LRRTM4: variants seen among roughly 807,000 people sequenced by gnomAD.
LRRTM4 encodes leucine-rich repeat transmembrane neuronal protein 4.
Under a neutral mutation model 47.6 loss-of-function variants are expected in LRRTM4, and 25 were observed. The ratio of observed to expected loss-of-function variants is 0.53; its 90% CI spans 0.38 to 0.73. The LOEUF (loss-of-function observed/expected upper bound fraction) is 0.73, where lower values mean the gene tolerates loss of function less well. Ranked by LOEUF, LRRTM4 falls within the 30% of genes least tolerant of loss-of-function variation. The pLI is 0.00. For missense variants in LRRTM4, 638 were observed against 713.4 expected (o/e 0.89, Z 1.20); for synonymous variants, 311 against 269.5 (o/e 1.15, Z -1.51).
intron 3 of LRRTM4, among the ~76,000 whole-genome samples, chr2:76,809,586 G>C (rs1670666865): frequency 1.3e-5 from 2 of 152,126 alleles, no homozygotes; most frequent in Admixed American, 1.3e-4. Flanking sequence ...GTCTATGAGA[G>C]CAATTTCTCT....
rs201502538 is a variant in LRRTM4 at position 77,142,420 on chromosome 2, CACACACACAT to C, written c.1551+375888_1551+375897del. 8.7e-3 allele frequency among the ~76,000 whole-genome samples: 1,095 copies of C among 126,362 alleles called. 37 individuals carry two copies. Among genetic ancestry groups the C allele is most frequent in the East Asian group, 0.074 (296 of 3,980 alleles). The allele number at this position is 126,362 out of a possible 152,430, so 82.9% of individuals were successfully genotyped here. On this transcript the variant is annotated intron_variant, in intron 3 of 3. Coordinates refer to ENST00000409884, the MANE Select transcript of LRRTM4 (RefSeq NM_001134745.3). ...TCACCTTTTTGCTGCTGCTTGTTACCACACACACATACACACACACACACACACACACACA... is the reference window on the plus strand; with the variant it reads ...TCACCTTTTTGCTGCTGCTTGTTACCACACACACACACACACACACACACA...
chr2:76,827,160 C>T (rs1387404342), intron 3 of LRRTM4, among the ~76,000 whole-genome samples: 1 of 151,752 alleles, frequency 6.6e-6, no homozygotes, highest in Non-Finnish European at 1.5e-5. Context: ...AATGTGCTGG[C>T]CACACTGAAG....
intron 3 of LRRTM4, among the ~76,000 whole-genome samples, chr2:76,942,636 T>G (rs1025403031): frequency 2.7e-5 from 4 of 150,866 alleles, no homozygotes; most frequent in Non-Finnish European, 4.4e-5. Context: ...TTTACTATAT[T>G]TACAATGGAA....
At chr2:77,309,305 C>G (rs1046648877) in intron 3 of LRRTM4, among the ~76,000 whole-genome samples, 2 of 152,024 alleles carry the variant, frequency 1.3e-5, no homozygotes, top group South Asian at 2.1e-4. Flanking sequence ...ACTTAAGACT[C>G]AGGAAACGTG....
intron 3 of LRRTM4, among the ~76,000 whole-genome samples, chr2:76,777,806 AGTGGTGAGAGAGGGCATCCCTGTCTT>A (rs2104141303): frequency 8.1e-6 from 1 of 123,344 alleles, no homozygotes; most frequent in South Asian, 3.3e-4. Flanking sequence ...GTTGAATAGG[AGTGGTGAGAGAGGGCATCCCTGTCTT>A]GTGCCAGTTT....
intron 3 of LRRTM4, among the ~76,000 whole-genome samples, chr2:77,005,087 G>A (rs962382351): frequency 1.3e-5 from 2 of 151,944 alleles, no homozygotes; most frequent in East Asian, 3.9e-4. Context: ...TGGACTTTTG[G>A]GTTAATGCTG....
chr2:76,756,973 G>A (rs1427492616), intron 3 of LRRTM4, among the ~76,000 whole-genome samples: 2 of 151,922 alleles, frequency 1.3e-5, no homozygotes, highest in African/African-American at 4.8e-5. Context: ...TTTGAAGATG[G>A]AATAAATAAT....
chr2:77,049,270 T>C (rs983622743), intron 3 of LRRTM4, among the ~76,000 whole-genome samples: 3 of 150,722 alleles, frequency 2.0e-5, no homozygotes, highest in Non-Finnish European at 4.4e-5. Flanking sequence ...TGGGAATGCA[T>C]ATATCTATTT....
chr2:77,518,018 G>A, intron 3 of LRRTM4: 1 of 1,106,082 alleles, frequency 9.0e-7, no homozygotes, highest in Non-Finnish European at 1.1e-6. Flanking sequence ...TTGTTTGTAT[G>A]TGTGTTTTTA....
Position 77,360,046 on chromosome 2 carries a change from G to A in LRRTM4, c.1551+158272C>T, listed in dbSNP as rs193253343. On this transcript the variant is annotated intron_variant, in intron 3 of 3. Coordinates refer to ENST00000409884, the MANE Select transcript of LRRTM4 (RefSeq NM_001134745.3). ...TATTTGTTAATATATTTGAGCAAGA[G>A]AAATCTTATGTTTTTTAGATAAGTA... 1.1e-3 allele frequency among the ~76,000 whole-genome samples: 161 copies of A among 152,168 alleles called. 1 individual carries two copies. Among genetic ancestry groups the A allele is most frequent in the Admixed American group, 2.2e-3 (34 of 15,284 alleles).
At chr2:77,057,331 C>T (rs958970284) in intron 3 of LRRTM4, among the ~76,000 whole-genome samples, 2 of 152,056 alleles carry the variant, frequency 1.3e-5, no homozygotes, top group African/African-American at 4.8e-5. Context: ...AAAGACTAGG[C>T]TAACAGTATA....
At chr2:77,429,238 A>C (rs2103900634) in intron 3 of LRRTM4, among the ~76,000 whole-genome samples, 2 of 152,296 alleles carry the variant, frequency 1.3e-5, no homozygotes, top group East Asian at 3.9e-4. Context: ...GATACGGAAT[A>C]ATCGATTATA....
At chr2:76,816,845 T>TG (rs1670914889) in intron 3 of LRRTM4, among the ~76,000 whole-genome samples, 1 of 139,280 alleles carries the variant, frequency 7.2e-6, no homozygotes, top group Non-Finnish European at 1.6e-5. Flanking sequence ...TTTTTTTTTT[T>TG]TTTTTTTTTT....
At chr2:77,488,699 G>C (rs1375517633) in intron 3 of LRRTM4, among the ~76,000 whole-genome samples, 1 of 152,108 alleles carries the variant, frequency 6.6e-6, no homozygotes, top group Non-Finnish European at 1.5e-5. Flanking sequence ...CTAATTCTAT[G>C]ATCTAGTCAA....
chr2:77,388,584 A>C (rs1254476710), intron 3 of LRRTM4, among the ~76,000 whole-genome samples: 1 of 152,076 alleles, frequency 6.6e-6, no homozygotes, highest in Admixed American at 6.6e-5. Context: ...TTTATGAAGT[A>C]TTTATTTTGA....
chr2:76,962,472 A>G (rs1675892133), intron 3 of LRRTM4, among the ~76,000 whole-genome samples: 1 of 151,022 alleles, frequency 6.6e-6, no homozygotes, highest in Non-Finnish European at 1.5e-5. Flanking sequence ...AGAGAGGTAT[A>G]TGATTATTTA....
At chr2:76,980,637 G>T (rs1171705888) in intron 3 of LRRTM4, among the ~76,000 whole-genome samples, 1 of 151,732 alleles carries the variant, frequency 6.6e-6, no homozygotes, top group Non-Finnish European at 1.5e-5. Context: ...TGAAAAGCAG[G>T]AGGAACTTTT....
intron 3 of LRRTM4, among the ~76,000 whole-genome samples, chr2:77,024,798 C>G (rs1678396242): frequency 6.6e-6 from 1 of 152,050 alleles, no homozygotes; most frequent in Admixed American, 6.6e-5. Context: ...TTATTGGAAA[C>G]ACATTTTAAA....
chr2:77,281,214 T>C (rs1037926324), intron 3 of LRRTM4, among the ~76,000 whole-genome samples: 1 of 151,940 alleles, frequency 6.6e-6, no homozygotes, highest in Non-Finnish European at 1.5e-5. Context: ...ATGTTTAGTG[T>C]TTCTTGTGAT....
Sources: allele counts gnomAD v4.1 joint callset (sites outside exome capture counted in the v4.1 genomes callset), GRCh38; gene constraint gnomAD v4.1.1; transcripts MANE v1.5; gene names NCBI Gene and HGNC (gene_info 2026-07-23, HGNC 2026-07-21).